Variants in TGM4 observed in about 807,000 individuals in gnomAD.
TGM4 encodes the protein protein-glutamine gamma-glutamyltransferase 4.
In TGM4, 61 loss-of-function variants were observed where a neutral mutation model predicts 76.3. That is an observed-to-expected ratio of 0.80 (90% CI 0.65 to 0.99). The LOEUF is 0.99. TGM4 is among the 50% of genes least tolerant of loss of function. The pLI is 0.00. For missense variants in TGM4, 794 were observed against 843.2 expected (o/e 0.94, Z 0.72); for synonymous variants, 337 against 329.8 (o/e 1.02, Z -0.24).
At chr3:44,904,234 G>A (rs964332305) in intron 9 of TGM4, among the ~76,000 whole-genome samples, 1 of 108,452 alleles carries the variant, frequency 9.2e-6, no homozygotes, top group Non-Finnish European at 2.3e-5. Context: ...GCACTTAAGG[G>A]TTCCCTACTG....
rs1189983701 is a variant in TGM4 at position 44,911,331 on chromosome 3, T to G, written c.1838T>G (p.Leu613Arg). Residue 613 changes from leucine (L) to arginine (R), a missense_variant, in exon 13 of 14, where the codon CTG becomes CGG. By Grantham distance (102) the Leu-to-Arg change is moderately radical. Transcript: ENST00000296125. ...LVCNCIFKNTLAIPLTDVKFS... is the reference protein window; with the variant it reads ...LVCNCIFKNTRAIPLTDVKFS... ...TGCAATTGTATCTTCAAGAATACCC[T>G]GGCCATCCCTTTGACTGACGTCAAG... 6.2e-7 allele frequency: 1 copy of G among 1,614,130 alleles called. No homozygotes were observed. Among genetic ancestry groups the G allele is most frequent in the Non-Finnish European group, 8.5e-7 (1 of 1,180,046 alleles).
chr3:44,884,574 G>A lies in TGM4; in HGVS notation c.20-751G>A, dbSNP rs149693027. ...ATCTCGGCTCCTGATCTCAGGTGATGCGCCGCCCCCACAGCCTCCCAAAGT... is the reference window on the plus strand; with the variant it reads ...ATCTCGGCTCCTGATCTCAGGTGATACGCCGCCCCCACAGCCTCCCAAAGT... On this transcript the variant is annotated intron_variant, in intron 1 of 13. Coordinates refer to ENST00000296125, the MANE Select transcript of TGM4 (RefSeq NM_003241.4). 3.4e-3 allele frequency among the ~76,000 whole-genome samples: 524 copies of A among 152,190 alleles called. 1 individual carries two copies. The highest frequency in any genetic ancestry group is 0.012 in the African/African-American group (495 of 41,526).
chr3:44,895,295 GAAAAAGAA>G (rs1699765083), intron 5 of TGM4, among the ~76,000 whole-genome samples: 1 of 151,658 alleles, frequency 6.6e-6, no homozygotes, highest in African/African-American at 2.4e-5. Context: ...ACTCCATCTT[GAAAAAGAA>G]AAAAAGAAAA....
At chr3:44,877,521 G>T (rs908803541) in intron 1 of TGM4, among the ~76,000 whole-genome samples, 3 of 151,946 alleles carry the variant, frequency 2.0e-5, no homozygotes, top group African/African-American at 7.3e-5. Context: ...AGCTACTCAG[G>T]TTCAAGGCTG....
chr3:44,907,170 G>C lies in TGM4; in HGVS notation c.1297G>C (p.Asp433His). Reference protein sequence around the residue: ...TKAVGQDRRRDITYEYKYPEG... With the variant: ...TKAVGQDRRRHITYEYKYPEG... ...GGCAGTGGGCCAAGACAGGCGGAGAGATATCACCTATGAGTACAAGTATCC... is the reference window on the plus strand; with the variant it reads ...GGCAGTGGGCCAAGACAGGCGGAGACATATCACCTATGAGTACAAGTATCC... Residue 433 changes from aspartate to histidine, a missense_variant, in exon 10 of 14, where the codon GAT becomes CAT. Coordinates refer to ENST00000296125, the MANE Select transcript of TGM4 (RefSeq NM_003241.4). 6.2e-7 allele frequency: 1 copy of C among 1,614,048 alleles called. No individual in the cohort carries two copies. Among genetic ancestry groups the C allele is most frequent in the Non-Finnish European group, 8.5e-7 (1 of 1,180,022 alleles).
chr3:44,899,865 G>A (rs1038946257), intron 6 of TGM4, among the ~76,000 whole-genome samples: 1 of 152,242 alleles, frequency 6.6e-6, no homozygotes, highest in Non-Finnish European at 1.5e-5. Context: ...TAGCATGGCA[G>A]CCAGCTTCCA....
intron 13 of TGM4, 56 bp downstream of exon 13, chr3:44,911,462 T>A: frequency 4.4e-6 from 7 of 1,586,186 alleles, no homozygotes; most frequent in Non-Finnish European, 6.0e-6. Flanking sequence ...ATCTTGCACA[T>A]GTGTGCATAT....
chr3:44,888,864 G>T (rs1464287409), intron 3 of TGM4: 1 of 152,070 alleles, frequency 6.6e-6, no homozygotes, highest in African/African-American at 2.4e-5. Flanking sequence ...CACAAGAGGG[G>T]TATGGGGAGT....
At chr3:44,886,885 G>C (rs1699615210) in intron 2 of TGM4, among the ~76,000 whole-genome samples, 1 of 152,228 alleles carries the variant, frequency 6.6e-6, no homozygotes, top group South Asian at 2.1e-4. Context: ...CCTCCAGCAA[G>C]ACAGAAAGCA....
chr3:44,880,939 C>T (rs561590811), intron 1 of TGM4, among the ~76,000 whole-genome samples: 2 of 152,194 alleles, frequency 1.3e-5, no homozygotes, highest in African/African-American at 4.8e-5. Flanking sequence ...AATGGTAGTT[C>T]GGGTGTGGTG....
intron 13 of TGM4, 80 bp from the exon 14 acceptor site, chr3:44,913,504 C>T: frequency 6.5e-7 from 1 of 1,535,356 alleles, no homozygotes; most frequent in Non-Finnish European, 8.8e-7. Context: ...AGTTTCCTGG[C>T]TTCTCACCCA....
intron 4 of TGM4, among the ~76,000 whole-genome samples, 173 bp downstream of exon 4, chr3:44,890,905 A>G (rs138964000): frequency 5.8e-4 from 89 of 152,314 alleles, no homozygotes; most frequent in African/African-American, 1.9e-3. Flanking sequence ...CTTTGTGACC[A>G]GGCCCCTTAG....
intron 4 of TGM4, among the ~76,000 whole-genome samples, chr3:44,892,967 C>T (rs1699724982): frequency 6.6e-6 from 1 of 152,154 alleles, no homozygotes; most frequent in South Asian, 2.1e-4. Flanking sequence ...GGAGGCACTG[C>T]CTGCCCCTCA....
intron 8 of TGM4, chr3:44,903,589 C>T (rs1001291196): frequency 7.5e-6 from 3 of 399,940 alleles, no homozygotes; most frequent in South Asian, 3.4e-5. Context: ...AGTTCACCAT[C>T]TCTAGTGGTG....
intron 8 of TGM4, among the ~76,000 whole-genome samples, chr3:44,902,459 G>A (rs1699867611): frequency 6.6e-6 from 1 of 152,126 alleles, no homozygotes; most frequent in African/African-American, 2.4e-5. Context: ...AATTAGCTGG[G>A]CATAGTGGCA....
At chr3:44,896,059 T>C (rs1473038127) in intron 5 of TGM4, among the ~76,000 whole-genome samples, 1 of 152,226 alleles carries the variant, frequency 6.6e-6, no homozygotes, top group East Asian at 1.9e-4. Context: ...TGTAATGCTA[T>C]TTGTTCACAA....
chr3:44,903,587 A>C, intron 8 of TGM4: 1 of 382,382 alleles, frequency 2.6e-6, no homozygotes, highest in South Asian at 3.9e-5. Context: ...CGAGTTCACC[A>C]TCTCTAGTGG....
chr3:44,911,382 C>G lies in TGM4; in HGVS notation c.1889C>G (p.Ser630Cys), dbSNP rs1173344743. Reference protein sequence around the residue: ...VKFSLESLGISSLQTSDHGTV... With the variant: ...VKFSLESLGICSLQTSDHGTV... ...TTCTCTTTGGAAAGCCTGGGCATCT[C>G]CTCACTACAGACCTCTGACCATGGG... Residue 630 changes from serine (S) to cysteine (C), a missense_variant, in exon 13 of 14, where the codon TCC becomes TGC. Transcript: ENST00000296125. 1.2e-6 allele frequency: 2 copies of G among 1,614,238 alleles called. No homozygotes were observed. Among genetic ancestry groups the G allele is most frequent in the Non-Finnish European group, 1.7e-6 (2 of 1,180,054 alleles).
intron 8 of TGM4, 94 bp from the exon 9 acceptor site, chr3:44,903,790 C>A: frequency 8.7e-7 from 1 of 1,155,670 alleles, no homozygotes; most frequent in Admixed American, 1.7e-5. Context: ...AGTGGGTCCC[C>A]GGTGATGAAG....
Sources: gnomAD v4.1 joint callset for allele counts (sites outside exome capture counted in the v4.1 genomes callset) on GRCh38, gnomAD v4.1.1 for gene constraint, MANE v1.5 for transcripts, NCBI Gene and HGNC (gene_info 2026-07-23, HGNC 2026-07-21) for gene names.